Variants in TRPM3 observed in about 807,000 individuals in gnomAD.
TRPM3 encodes long transient receptor potential channel 3.
In TRPM3, 77 loss-of-function variants were observed where a neutral mutation model predicts 181.2. The observed-to-expected ratio is 0.42, with a 90% confidence interval of 0.35 to 0.51. The LOEUF is 0.51. Ranked by LOEUF, TRPM3 falls within the 20% of genes least tolerant of loss-of-function variation. The pLI is 0.01. For synonymous variants in TRPM3, 745 were observed against 796.4 expected (o/e 0.94, Z 1.09); for missense variants, 1,759 against 2,196.7 (o/e 0.80, Z 3.98).
intron 1 of TRPM3, among the ~76,000 whole-genome samples, chr9:71,390,991 C>A (rs983314998): frequency 2.0e-5 from 3 of 151,886 alleles, no homozygotes; most frequent in African/African-American, 7.2e-5. Context: ...GGTAAAGGTA[C>A]TGAGACACAA....
intron 1 of TRPM3, among the ~76,000 whole-genome samples, chr9:71,224,015 T>C (rs2080413834): frequency 6.6e-6 from 1 of 152,180 alleles, no homozygotes; most frequent in Non-Finnish European, 1.5e-5. Flanking sequence ...CACCTGCTAA[T>C]TGCAGAGTCC....
intron 8 of TRPM3, among the ~76,000 whole-genome samples, chr9:70,751,272 G>A (rs117238404): frequency 6.6e-6 from 1 of 152,146 alleles, no homozygotes; most frequent in East Asian, 1.9e-4. Flanking sequence ...AAAAGAAGTT[G>A]ATGTAAGTGG....
chr9:70,566,172 G>A (rs2050531367), intron 22 of TRPM3, among the ~76,000 whole-genome samples: 1 of 152,192 alleles, frequency 6.6e-6, no homozygotes, highest in Admixed American at 6.5e-5. Flanking sequence ...GATAAATGCT[G>A]TGGGAGAAAG....
intron 5 of TRPM3, among the ~76,000 whole-genome samples, chr9:70,836,214 C>A (rs1209823638): frequency 6.6e-6 from 1 of 152,048 alleles, no homozygotes; most frequent in South Asian, 2.1e-4. Flanking sequence ...TAGCTCTGGG[C>A]CCCATCACCT....
chr9:71,100,660 C>T (rs889885829), intron 1 of TRPM3, among the ~76,000 whole-genome samples: 1 of 152,074 alleles, frequency 6.6e-6, no homozygotes, highest in Admixed American at 6.6e-5. Context: ...TCTCCACTTC[C>T]CTTCCTTGCC....
intron 1 of TRPM3, among the ~76,000 whole-genome samples, chr9:71,209,958 CAA>C (rs2079383089): frequency 6.6e-6 from 1 of 152,158 alleles, no homozygotes; most frequent in South Asian, 2.1e-4. Context: ...CCTCTACAGA[CAA>C]AGTTTGCCAA....
chr9:70,796,515 C>T (rs1046365372), intron 6 of TRPM3, among the ~76,000 whole-genome samples: 6 of 152,190 alleles, frequency 3.9e-5, no homozygotes, highest in African/African-American at 1.4e-4. Flanking sequence ...ATTCATCCTT[C>T]AGGTCCCAGG....
At chr9:71,081,503 C>T (rs1289618468) in intron 1 of TRPM3, among the ~76,000 whole-genome samples, 2 of 152,136 alleles carry the variant, frequency 1.3e-5, no homozygotes, top group Non-Finnish European at 2.9e-5. Flanking sequence ...GATATAAAGG[C>T]TCAAACAAGG....
At position 71,111,778 on chromosome 9, in the gene TRPM3, T is replaced by G. The variant is rs1760429994; in HGVS notation, c.177+9400A>C. On this transcript the variant is annotated intron_variant, in intron 1 of 25. Coordinates refer to ENST00000677713, the MANE Select transcript of TRPM3 (RefSeq NM_001366145.2). ...TATGATAGCTCATTCTTTCCAATATTTTCTTCTAGCGAGATTATCACAGAG... is the reference window on the plus strand; with the variant it reads ...TATGATAGCTCATTCTTTCCAATATGTTCTTCTAGCGAGATTATCACAGAG... Among the ~76,000 whole-genome samples, 3 of 152,344 alleles carry G rather than the reference T, an allele frequency of 2.0e-5. No homozygotes were observed. The South Asian group carries it at 6.2e-4, about 32-fold the overall frequency.
At chr9:70,568,878 T>G (rs943258054) in intron 22 of TRPM3, among the ~76,000 whole-genome samples, 3 of 152,366 alleles carry the variant, frequency 2.0e-5, no homozygotes, top group East Asian at 1.9e-4. Flanking sequence ...AGTATTAATC[T>G]TTCCATGTTA....
chr9:70,785,011 C>G (rs891370026), intron 6 of TRPM3, among the ~76,000 whole-genome samples: 3 of 152,110 alleles, frequency 2.0e-5, no homozygotes, highest in Non-Finnish European at 4.4e-5. Flanking sequence ...ATAGGCACGT[C>G]CACCATGCTC....
intron 20 of TRPM3, among the ~76,000 whole-genome samples, chr9:70,599,569 T>C (rs74850694): frequency 0.027 from 4,096 of 152,298 alleles, 191 homozygotes; most frequent in African/African-American, 0.092. Flanking sequence ...ATACTGGTCA[T>C]CTCTTAAGCA....
At chr9:70,793,749 A>G (rs148183544) in intron 6 of TRPM3, 134 of 429,682 alleles carry the variant, frequency 3.1e-4, no homozygotes, top group Admixed American at 6.7e-4. Context: ...TTCAACTTGC[A>G]ATTTTTCAAC....
At chr9:70,600,818 C>T (rs977992975) in intron 20 of TRPM3, among the ~76,000 whole-genome samples, 1 of 152,182 alleles carries the variant, frequency 6.6e-6, no homozygotes, top group East Asian at 1.9e-4. Flanking sequence ...TTGAGCTTTT[C>T]CAACCCTTTG....
At chr9:71,180,801 C>T (rs533422975) in intron 1 of TRPM3, among the ~76,000 whole-genome samples, 47 of 152,164 alleles carry the variant, frequency 3.1e-4, no homozygotes, top group African/African-American at 1.1e-3. Flanking sequence ...TCTTCTAAGT[C>T]CCAAGATTAG....
intron 22 of TRPM3, among the ~76,000 whole-genome samples, chr9:70,586,097 C>T (rs1407766297): frequency 6.6e-6 from 1 of 152,218 alleles, no homozygotes; most frequent in South Asian, 2.1e-4. Context: ...CTCAACCCTC[C>T]CTTTCTCTGC....
At chr9:70,949,298 C>T (rs191857441) in intron 1 of TRPM3, among the ~76,000 whole-genome samples, 144 of 152,086 alleles carry the variant, frequency 9.5e-4, no homozygotes, top group Non-Finnish European at 1.4e-3. Context: ...CTCAAGTGAT[C>T]CTCCTACCTC....
intron 1 of TRPM3, among the ~76,000 whole-genome samples, chr9:71,199,419 T>A (rs1473493383): frequency 1.3e-5 from 2 of 152,220 alleles, no homozygotes; most frequent in African/African-American, 2.4e-5. Context: ...CCTCTTTTTC[T>A]ATGGATTGGA....
intron 1 of TRPM3, among the ~76,000 whole-genome samples, chr9:71,438,611 T>A (rs972828334): frequency 1.2e-4 from 19 of 152,216 alleles, no homozygotes; most frequent in African/African-American, 4.6e-4. Context: ...AGGCTGAGGC[T>A]GCCGTAAGCA....
Sources: gnomAD v4.1 joint callset for allele counts (sites outside exome capture counted in the v4.1 genomes callset) on GRCh38, gnomAD v4.1.1 for gene constraint, MANE v1.5 for transcripts, NCBI Gene and HGNC (gene_info 2026-07-23, HGNC 2026-07-21) for gene names.